The following PPFIA2 variants were observed in gnomAD, a reference collection of about 807,000 sequenced individuals.
PPFIA2 encodes the protein PPFI scaffold protein A2.
A neutral mutation model predicts 175.5 loss-of-function variants in PPFIA2; 46 were observed. That is an observed-to-expected ratio of 0.26 (90% confidence interval 0.21 to 0.34). The LOEUF (loss-of-function observed/expected upper bound fraction) is 0.34, where lower values mean the gene tolerates loss of function less well. Among genes scored for constraint, PPFIA2 ranks in the 10% least tolerant of loss-of-function variants. The probability of loss-of-function intolerance (pLI) is 1.00; values close to 1 mark genes in which losing one functional copy is unlikely to be tolerated. For missense variants in PPFIA2, 1,179 were observed against 1,506.1 expected (o/e 0.78, Z 3.60); for synonymous variants, 568 against 511.4 (o/e 1.11, Z -1.49).
intron 17 of PPFIA2, among the ~76,000 whole-genome samples, chr12:81,348,520 G>A (rs745352112): frequency 3.9e-5 from 6 of 152,178 alleles, no homozygotes; most frequent in Middle Eastern, 3.4e-3. Flanking sequence ...GGTGGATCAT[G>A]AGGTCAGGAG....
At chr12:81,633,117 A>T (rs1249861491) in intron 4 of PPFIA2, among the ~76,000 whole-genome samples, 1 of 152,108 alleles carries the variant, frequency 6.6e-6, no homozygotes, top group Non-Finnish European at 1.5e-5. Context: ...TGAATGTGGC[A>T]TTTGTGCTCA....
At chr12:81,476,905 G>A (rs1373631035) in intron 4 of PPFIA2, among the ~76,000 whole-genome samples, 1 of 152,160 alleles carries the variant, frequency 6.6e-6, no homozygotes, top group Non-Finnish European at 1.5e-5. Flanking sequence ...CATGTCCTTT[G>A]CAGGGACATG....
intron 4 of PPFIA2, among the ~76,000 whole-genome samples, chr12:81,571,535 G>A (rs1205207168): frequency 6.6e-6 from 1 of 152,060 alleles, no homozygotes; most frequent in African/African-American, 2.4e-5. Flanking sequence ...GCCATCTTAA[G>A]CAAGTTACTC....
intron 8 of PPFIA2, among the ~76,000 whole-genome samples, chr12:81,391,989 G>T (rs1015916631): frequency 2.0e-5 from 3 of 151,802 alleles, no homozygotes; most frequent in Non-Finnish European, 4.4e-5. Flanking sequence ...TGCTCAAGGT[G>T]ATATGAAAAC....
At chr12:81,532,458 G>C (rs1469114453) in intron 4 of PPFIA2, among the ~76,000 whole-genome samples, 1 of 151,674 alleles carries the variant, frequency 6.6e-6, no homozygotes, top group Non-Finnish European at 1.5e-5. Flanking sequence ...ATTTTGTGAG[G>C]CCCTTCAAAG....
chr12:81,627,818 TTGTA>T (rs1567628241), intron 4 of PPFIA2, among the ~76,000 whole-genome samples: 1 of 152,074 alleles, frequency 6.6e-6, no homozygotes, highest in Non-Finnish European at 1.5e-5. Flanking sequence ...AATGAAAACA[TTGTA>T]TGTCTTTTTT....
At chr12:81,414,121 G>GA (rs1381164976) in intron 7 of PPFIA2, among the ~76,000 whole-genome samples, 1 of 151,700 alleles carries the variant, frequency 6.6e-6, no homozygotes, top group African/African-American at 2.4e-5. Flanking sequence ...AAGTCATACA[G>GA]AAAAAGACAC....
intron 3 of PPFIA2, among the ~76,000 whole-genome samples, chr12:81,720,178 A>G (rs1348433722): frequency 1.3e-5 from 2 of 151,498 alleles, no homozygotes; most frequent in Non-Finnish European, 3.0e-5. Context: ...TAAATTTCAA[A>G]TAAAAGCAAC....
At chr12:81,750,126 A>G (rs2083557606) in intron 3 of PPFIA2, among the ~76,000 whole-genome samples, 1 of 143,846 alleles carries the variant, frequency 7.0e-6, no homozygotes, top group Non-Finnish European at 1.6e-5. Context: ...CCTGAAAGAG[A>G]TAAACTTTTG....
chr12:81,711,771 C>G (rs1199731284), intron 3 of PPFIA2, among the ~76,000 whole-genome samples: 1 of 149,926 alleles, frequency 6.7e-6, no homozygotes, highest in Non-Finnish European at 1.5e-5. Flanking sequence ...TTGGGATGGG[C>G]TATACTTACA....
chr12:81,394,272 C>G (rs1851382), intron 8 of PPFIA2, among the ~76,000 whole-genome samples: 1 of 151,666 alleles, frequency 6.6e-6, no homozygotes, highest in Non-Finnish European at 1.5e-5. Flanking sequence ...CTTACTGTTA[C>G]TTGGATTACT....
intron 22 of PPFIA2, among the ~76,000 whole-genome samples, chr12:81,323,616 G>C (rs2054145813): frequency 6.6e-6 from 1 of 151,538 alleles, no homozygotes; most frequent in Non-Finnish European, 1.5e-5. Flanking sequence ...TTAAACACTT[G>C]GAAAAATCCA....
Position 81,375,946 on chromosome 12 carries a change from C to T in PPFIA2, c.985-4G>A. ...TATCTTCCTTTTGTGCCATGGCCTA[C>T]AATTAAAATAATTTAGAAAAAGCAA... On this transcript the variant is annotated splice_polypyrimidine_tract_variant and splice_region_variant and intron_variant, in intron 9 of 32. Coordinates refer to ENST00000549396, the MANE Select transcript of PPFIA2 (RefSeq NM_003625.5). 6.2e-7 allele frequency: 1 copy of T among 1,606,506 alleles called. No individual in the cohort carries two copies. Among genetic ancestry groups the T allele is most frequent in the Non-Finnish European group, 8.5e-7 (1 of 1,176,964 alleles).
chr12:81,756,234 A>T (rs1388374775), intron 2 of PPFIA2, among the ~76,000 whole-genome samples: 1 of 152,138 alleles, frequency 6.6e-6, no homozygotes, highest in East Asian at 1.9e-4. Flanking sequence ...CCAAACACTC[A>T]CAACGTTAGG....
chr12:81,290,377 C>A (rs1000269255), intron 24 of PPFIA2, among the ~76,000 whole-genome samples: 5 of 151,580 alleles, frequency 3.3e-5, no homozygotes, highest in African/African-American at 7.3e-5. Flanking sequence ...ATTTGCAATG[C>A]AAATTGTATT....
intron 4 of PPFIA2, among the ~76,000 whole-genome samples, chr12:81,574,117 G>A (rs754915987): frequency 6.6e-6 from 1 of 151,776 alleles, no homozygotes; most frequent in African/African-American, 2.4e-5. Context: ...ATCAGGGGCT[G>A]CATATCCATT....
At chr12:81,415,246 T>TATATAC (rs2044985593) in intron 7 of PPFIA2, among the ~76,000 whole-genome samples, 1 of 97,390 alleles carries the variant, frequency 1.0e-5, no homozygotes, top group Non-Finnish European at 2.1e-5. Flanking sequence ...TATATATATA[T>TATATAC]ATATATATAT....
At chr12:81,593,755 C>T (rs1391066935) in intron 4 of PPFIA2, among the ~76,000 whole-genome samples, 3 of 152,068 alleles carry the variant, frequency 2.0e-5, no homozygotes, top group Admixed American at 2.0e-4. Context: ...GAGGCAAAGA[C>T]AATCACACAG....
intron 4 of PPFIA2, among the ~76,000 whole-genome samples, chr12:81,630,913 T>C (rs1303079541): frequency 1.5e-5 from 2 of 137,868 alleles, no homozygotes; most frequent in Non-Finnish European, 3.1e-5. Context: ...TTTTTTTTTT[T>C]CCAGACAGAG....
Sources: gnomAD v4.1 joint callset for allele counts (sites outside exome capture counted in the v4.1 genomes callset) on GRCh38, gnomAD v4.1.1 for gene constraint, MANE v1.5 for transcripts, NCBI Gene and HGNC (gene_info 2026-07-23, HGNC 2026-07-21) for gene names.